The following TASOR2 variants were observed in gnomAD, a reference collection of about 807,000 sequenced individuals.
TASOR2 encodes transcription activation suppressor family member 2.
Under a neutral mutation model 199.5 loss-of-function variants are expected in TASOR2, and 84 were observed. The ratio of observed to expected loss-of-function variants is 0.42; its 90% CI spans 0.35 to 0.50. The LOEUF is 0.50. TASOR2 is among the 20% of genes least tolerant of loss of function. TASOR2 has a pLI of 0.02. For synonymous variants in TASOR2, 1,103 were observed against 1,046.6 expected (o/e 1.05, Z -1.04); for missense variants, 2,796 against 2,835.9 (o/e 0.99, Z 0.32).
intron 1 of TASOR2, among the ~76,000 whole-genome samples, chr10:5,688,780 G>T (rs541375543): frequency 1.3e-5 from 2 of 152,066 alleles, no homozygotes; most frequent in African/African-American, 4.8e-5. Context: ...GTTGAGCTGG[G>T]AGGATTGCTT....
chr10:5,762,740 G>A, intron 20 of TASOR2, 94 bp downstream of exon 21: 1 of 733,552 alleles, frequency 1.4e-6, no homozygotes, highest in Non-Finnish European at 2.4e-6. Context: ...TTGGGAAACT[G>A]TTGTTTACAT....
intron 2 of TASOR2, among the ~76,000 whole-genome samples, chr10:5,716,284 C>A (rs1181936526): frequency 1.3e-5 from 2 of 152,076 alleles, no homozygotes; most frequent in Admixed American, 6.5e-5. Context: ...CATGGACATA[C>A]GGGTTATTTC....
At chr10:5,691,214 A>G (rs879479355) in intron 1 of TASOR2, among the ~76,000 whole-genome samples, 4 of 151,828 alleles carry the variant, frequency 2.6e-5, no homozygotes, top group Non-Finnish European at 4.4e-5. Context: ...AGAAAGTTAT[A>G]TGATCTTGAA....
rs1344354288 is a variant in TASOR2 at position 5,754,351 on chromosome 10, A to G, written c.6607-2262A>G. ...AGTGATAATGATTTTCATGAAGAAG[A>G]GAGCATGGCAATGCTAAGTTTTATT... is the stretch of plus-strand genomic sequence containing the variant. On this transcript the variant is annotated intron_variant, in intron 15 of 20. Coordinates refer to ENST00000328090, the Ensembl canonical transcript of TASOR2. This position sits in a 1 kb window ranked among gnomAD's most constrained non-coding sequence, Gnocchi z 4.3. Among the ~76,000 whole-genome samples, 1 of 152,102 alleles carries G rather than the reference A, an allele frequency of 6.6e-6. No homozygotes were observed. Among genetic ancestry groups the G allele is most frequent in the Non-Finnish European group, 1.5e-5 (1 of 68,022 alleles).
At chr10:5,717,054 C>G (rs1832756539) in intron 2 of TASOR2, among the ~76,000 whole-genome samples, 1 of 145,786 alleles carries the variant, frequency 6.9e-6, no homozygotes, top group Admixed American at 6.9e-5. Context: ...AAGACGTTTT[C>G]CTACATTGCT....
rs1837506507 is a variant in TASOR2 at position 5,699,198 on chromosome 10, G to A, written c.-287-13625G>A. On this transcript the variant is annotated intron_variant, in intron 1 of 20. Coordinates refer to ENST00000328090, the Ensembl canonical transcript of TASOR2. The surrounding 1 kb of genome is among the most constrained non-coding windows in gnomAD (Gnocchi z 4.1). ...TTAACATGGATGAACTTCAAAAACAGGCTAAGTGAAAGAAGCCAATCATGA... is the reference window on the plus strand; with the variant it reads ...TTAACATGGATGAACTTCAAAAACAAGCTAAGTGAAAGAAGCCAATCATGA... Among the ~76,000 whole-genome samples, 1 of 152,088 alleles carries A rather than the reference G, an allele frequency of 6.6e-6. No individual in the cohort carries two copies. The highest frequency in any genetic ancestry group is 2.4e-5 in the African/African-American group (1 of 41,426).
rs1425432442 is a variant in TASOR2 at position 5,689,387 on chromosome 10, G to T, written c.-288+4212G>T. Among the ~76,000 whole-genome samples, 1 of 152,158 alleles carries T rather than the reference G, an allele frequency of 6.6e-6. No individual in the cohort carries two copies. Among genetic ancestry groups the T allele is most frequent in the Non-Finnish European group, 1.5e-5 (1 of 68,030 alleles). ...GTGGCCGAGGTGGGCGGATCAAGAG[G>T]TCAGGAGTTCAAGACCAGCCTGACC... is the stretch of plus-strand genomic sequence containing the variant. On this transcript the variant is annotated intron_variant, in intron 1 of 20. Transcript: ENST00000328090. This position sits in a 1 kb window ranked among gnomAD's most constrained non-coding sequence, Gnocchi z 4.1.
rs1836207965 is a variant in TASOR2, at chr10:5,740,232, G to A, written c.2062G>A (p.Ala688Thr). 1 of 1,614,206 alleles carries A rather than the reference G, an allele frequency of 6.2e-7. No homozygotes were observed. The highest frequency in any genetic ancestry group is 1.3e-5 in the African/African-American group (1 of 75,064). The change falls in exon 13 of 21, where the codon GCA (alanine) becomes ACA (threonine). Residue 688 changes from alanine (A) to threonine (T), a missense_variant. Coordinates refer to ENST00000328090, the Ensembl canonical transcript of TASOR2. This position sits in a 1 kb window ranked among gnomAD's most constrained non-coding sequence, Gnocchi z 5.3. Reference sequence around the variant, plus strand: ...CAGGAATGGGACAAAAAGCCCTGAAGCAGCAACCCCAGTGGGGAAAGTCAT... The same window carrying A: ...CAGGAATGGGACAAAAAGCCCTGAAACAGCAACCCCAGTGGGGAAAGTCAT...
Position 5,740,037 on chromosome 10 carries a change from T to G in TASOR2, c.1867T>G (p.Cys623Gly). The G allele has an allele frequency of 1.2e-6, 2 of 1,614,088 alleles. No homozygotes were observed. The highest frequency in any genetic ancestry group is 1.1e-5 in the South Asian group (1 of 91,088). The change falls in exon 13 of 21, where the codon TGT becomes GGT. Residue 623 changes from cysteine (C) to glycine (G), a missense_variant. By Grantham distance (159) the Cys-to-Gly change is radical (BLOSUM62 -3). Around this residue, in one of 3 missense-constraint regions of TASOR2, gnomAD observed 847 missense variants for 887.4 expected, o/e 0.95. Coordinates refer to ENST00000328090, the Ensembl canonical transcript of TASOR2. The surrounding 1 kb of genome is among the most constrained non-coding windows in gnomAD (Gnocchi z 5.3). Reference sequence around the variant, plus strand: ...CCAAGATGAAGAAAGCTTGGTTCCTTGTAGTCAGGCCCCTGCTAAAGCCCA... The same window carrying G: ...CCAAGATGAAGAAAGCTTGGTTCCTGGTAGTCAGGCCCCTGCTAAAGCCCA...
At chr10:5,759,498 T>C (rs189938198) in intron 18 of TASOR2, among the ~76,000 whole-genome samples, 1 of 152,306 alleles carries the variant, frequency 6.6e-6, no homozygotes, top group East Asian at 1.9e-4. Context: ...GCTGAGAGAT[T>C]CCTCCACATT....
At chr10:5,736,648 G>T (rs906258088) in intron 12 of TASOR2, among the ~76,000 whole-genome samples, 3 of 152,188 alleles carry the variant, frequency 2.0e-5, no homozygotes, top group African/African-American at 7.2e-5. Flanking sequence ...TTAGTCACAT[G>T]AACTGCTCCA....
rs548937892 is a variant in TASOR2, at chr10:5,747,116, G to A, written c.3695G>A (p.Gly1232Asp). The change falls in exon 15 of 21, where the codon GGT (glycine) becomes GAT (aspartate). Residue 1232 changes from glycine to aspartate, a missense_variant. By Grantham distance (94) the Gly-to-Asp change is moderately conservative. This residue lies in a region of TASOR2 where 1,941 missense variants were observed against 1,924.9 expected (regional missense o/e 1.01). Coordinates refer to ENST00000328090, the Ensembl canonical transcript of TASOR2. ...ATTTCGTCAGGATGCCACACATCAG[G>A]TGACTCTTTAGAACTAAGGAAGAAT... 14 of 1,613,986 alleles carry A rather than the reference G, an allele frequency of 8.7e-6. No homozygotes were observed. The highest frequency in any genetic ancestry group is 2.2e-5 in the South Asian group (2 of 91,092).
chr10:5,714,059 A>AAG (rs1422150003), intron 2 of TASOR2, 76 bp from the exon 3 acceptor site: 8 of 584,326 alleles, frequency 1.4e-5, no homozygotes, highest in Non-Finnish European at 1.7e-5. Context: ...AAATAAAATT[A>AAG]AAAAAAAAAA....
intron 10 of TASOR2, among the ~76,000 whole-genome samples, chr10:5,728,148 G>A (rs1834292713): frequency 6.6e-6 from 1 of 150,992 alleles, no homozygotes; most frequent in African/African-American, 2.4e-5. Context: ...TTGAGCCCGA[G>A]ACGTGGAGGT....
At chr10:5,735,325 A>G (rs748286097) in exon 12 of TASOR2, 1 of 1,614,038 alleles carries the variant, frequency 6.2e-7, no homozygotes, top group Non-Finnish European at 8.5e-7. Flanking sequence ...CTGACTGCAC[A>G]GTTTGTACAG....
intron 1 of TASOR2, among the ~76,000 whole-genome samples, chr10:5,694,826 A>C (rs977774844): frequency 1.3e-5 from 2 of 152,082 alleles, no homozygotes; most frequent in Non-Finnish European, 2.9e-5. Flanking sequence ...CCCAGACCCC[A>C]GCTGCCCCTT....
In TASOR2 at chr10:5,698,660, G is replaced by A. The variant is rs1837440199; in HGVS notation, c.-288+13485G>A. On this transcript the variant is annotated intron_variant, in intron 1 of 20. Transcript: ENST00000328090. The surrounding 1 kb of genome is among the most constrained non-coding windows in gnomAD (Gnocchi z 4.4). Reference sequence around the variant, plus strand: ...GAGATGAGTAGTTGTGACAGAGACCGTGTGGTTCATAATCCTAAAGTATTT... The same window carrying A: ...GAGATGAGTAGTTGTGACAGAGACCATGTGGTTCATAATCCTAAAGTATTT... 6.6e-6 allele frequency among the ~76,000 whole-genome samples: 1 copy of A among 152,224 alleles called. No homozygotes were observed. Among genetic ancestry groups the A allele is most frequent in the African/African-American group, 2.4e-5 (1 of 41,540 alleles).
intron 3 of TASOR2, 73 bp downstream of exon 4, chr10:5,717,823 G>GAT: frequency 1.9e-6 from 1 of 519,916 alleles, no homozygotes. Flanking sequence ...ATTCTCTGTA[G>GAT]ATATTAGTTG....
rs1293850778 is a variant in TASOR2, at chr10:5,685,312, G to A, written c.-288+137G>A. ...CTCCTTGCCTTTTGCCGCGCTCCGG[G>A]TGAGGGGGTGGGAGGGGTCGGCGCC... is the stretch of plus-strand genomic sequence containing the variant. On this transcript the variant is annotated intron_variant, in intron 1 of 20. Transcript: ENST00000328090. The surrounding 1 kb of genome is among the most constrained non-coding windows in gnomAD (Gnocchi z 5.4). 1.0e-5 allele frequency: 4 copies of A among 396,200 alleles called. No homozygotes were observed. The East Asian group carries it at 1.1e-4, about 11-fold the overall frequency. 24.5% of individuals were successfully genotyped at this position (396,200 alleles called of 1,614,324 possible).
Sources: gnomAD v4.1 joint callset for allele counts (sites outside exome capture counted in the v4.1 genomes callset) on GRCh38, gnomAD v4.1.1 for gene constraint, gnomAD v4.1.1 regional missense constraint, Gnocchi (gnomAD v3.1) non-coding constraint, MANE v1.5 for transcripts, NCBI Gene and HGNC (gene_info 2026-07-23, HGNC 2026-07-21) for gene names.